GPHN: variants seen among roughly 807,000 people sequenced by gnomAD.
GPHN encodes the protein gephyrin.
A neutral mutation model predicts 95.5 loss-of-function variants in GPHN; 17 were observed. That is an observed-to-expected ratio of 0.18 (90% CI 0.12 to 0.27). The LOEUF is 0.27. Among genes scored for constraint, GPHN ranks in the 10% least tolerant of loss-of-function variants. The pLI is 1.00. For synonymous variants in GPHN, 320 were observed against 322.5 expected (o/e 0.99, Z 0.08); for missense variants, 660 against 978.1 (o/e 0.67, Z 4.34).
At chr14:67,632,757 A>G in the GPHN span, among the ~76,000 whole-genome samples, 1 of 146,276 alleles carries the variant, frequency 6.8e-6, no homozygotes, top group Non-Finnish European at 1.5e-5. Flanking sequence ...AATAGAAGGA[A>G]GGAAGGGAGG....
intron 10 of GPHN, among the ~76,000 whole-genome samples, chr14:67,053,086 G>A (rs1205411849): frequency 1.4e-5 from 2 of 142,402 alleles, no homozygotes; most frequent in Admixed American, 7.2e-5. Context: ...GCTAGCAGAA[G>A]ACAAGAAATA....
At chr14:67,256,116 G>T in the GPHN span, among the ~76,000 whole-genome samples, 1 of 152,116 alleles carries the variant, frequency 6.6e-6, no homozygotes. Context: ...TGAATATTTT[G>T]TAAGATATCC....
intron 13 of GPHN, among the ~76,000 whole-genome samples, chr14:67,104,941 T>C (rs2077952379): frequency 2.6e-5 from 4 of 152,134 alleles, no homozygotes; most frequent in South Asian, 4.1e-4. Flanking sequence ...TGTTGTTTCA[T>C]TGAAATCTTT....
At chr14:67,146,207 G>C (rs1418560248) in intron 18 of GPHN, among the ~76,000 whole-genome samples, 4 of 152,146 alleles carry the variant, frequency 2.6e-5, no homozygotes, top group African/African-American at 7.2e-5. Flanking sequence ...TAAACAGCGA[G>C]GAAGGGGCCC....
chr14:67,033,211 AT>A (rs1436482779), intron 10 of GPHN, among the ~76,000 whole-genome samples: 1 of 152,198 alleles, frequency 6.6e-6, no homozygotes, highest in African/African-American at 2.4e-5. Context: ...AAGACAGGTC[AT>A]TTGAAATTAT....
the GPHN span, among the ~76,000 whole-genome samples, chr14:67,526,585 T>C: frequency 1.3e-5 from 2 of 152,170 alleles, no homozygotes; most frequent in African/African-American, 2.4e-5. Flanking sequence ...GATAAAAATA[T>C]GCATAGTTTA....
chr14:66,711,714 A>G lies in GPHN; in HGVS notation c.143+30529A>G, dbSNP rs914777365. On this transcript the variant is annotated intron_variant, in intron 2 of 22. Coordinates refer to ENST00000478722, the MANE Select transcript of GPHN (RefSeq NM_020806.5). ...CATCAACTTGTCATTTACATTAAGTATTTCTCCTAATGCTATCCCTCCCCC... is the reference window on the plus strand; with the variant it reads ...CATCAACTTGTCATTTACATTAAGTGTTTCTCCTAATGCTATCCCTCCCCC... 4.8e-4 allele frequency among the ~76,000 whole-genome samples: 73 copies of G among 150,728 alleles called. 1 individual carries two copies. The highest frequency in any genetic ancestry group is 8.7e-4 in the Non-Finnish European group (59 of 67,710).
the GPHN span, chr14:67,320,321 AC>A: frequency 6.2e-7 from 1 of 1,613,946 alleles, no homozygotes. Context: ...TGATTGGTCC[AC>A]AGAACTGTGG....
chr14:67,083,086 A>G (rs10141815), intron 11 of GPHN, among the ~76,000 whole-genome samples: 36,781 of 152,200 alleles, frequency 0.24, 8,761 homozygotes, highest in African/African-American at 0.58. Flanking sequence ...AGTAAGACCT[A>G]TATTTGTTGC....
the GPHN span, chr14:67,674,425 T>C: frequency 8.1e-6 from 13 of 1,608,620 alleles, no homozygotes; most frequent in Admixed American, 1.0e-4. Context: ...TAGGTCTTCA[T>C]GGAGGCCGCG....
chr14:67,105,940 T>C (rs1192309250), intron 13 of GPHN, among the ~76,000 whole-genome samples: 2 of 152,156 alleles, frequency 1.3e-5, no homozygotes, highest in African/African-American at 4.8e-5. Context: ...TTTTCTACAT[T>C]GATACTGTTT....
chr14:67,236,947 C>T, the GPHN span, among the ~76,000 whole-genome samples: 5 of 151,942 alleles, frequency 3.3e-5, no homozygotes, highest in East Asian at 1.9e-4. Context: ...AAAAATTAGC[C>T]GGGCATGGTG....
At chr14:67,017,978 G>C (rs916273783) in intron 9 of GPHN, among the ~76,000 whole-genome samples, 1 of 152,060 alleles carries the variant, frequency 6.6e-6, no homozygotes, top group Non-Finnish European at 1.5e-5. Flanking sequence ...TTTAGCAAAT[G>C]TTTCCTCTGT....
chr14:66,861,907 A>G (rs1468566737), intron 4 of GPHN, among the ~76,000 whole-genome samples: 1 of 152,038 alleles, frequency 6.6e-6, no homozygotes, highest in East Asian at 1.9e-4. Flanking sequence ...TCAAATAAAT[A>G]ACCTAATGAT....
At chr14:67,456,983 T>C in the GPHN span, among the ~76,000 whole-genome samples, 3 of 152,184 alleles carry the variant, frequency 2.0e-5, no homozygotes, top group South Asian at 2.1e-4. Context: ...TTGAGCAACA[T>C]GGATGAAGCT....
chr14:67,110,706 A>T (rs1301374950), intron 14 of GPHN, among the ~76,000 whole-genome samples: 1 of 152,218 alleles, frequency 6.6e-6, no homozygotes, highest in African/African-American at 2.4e-5. Flanking sequence ...TTACTAGAGA[A>T]GAATTTAACA....
chr14:67,162,803 T>G (rs1396609923), intron 19 of GPHN, among the ~76,000 whole-genome samples: 1 of 152,196 alleles, frequency 6.6e-6, no homozygotes, highest in East Asian at 1.9e-4. Flanking sequence ...AACCATCCTG[T>G]GAGATCTTTA....
At chr14:67,599,041 G>A in the GPHN span, among the ~76,000 whole-genome samples, 1 of 152,188 alleles carries the variant, frequency 6.6e-6, no homozygotes, top group African/African-American at 2.4e-5. Flanking sequence ...TAGTTAGATA[G>A]TTTCCTGCAA....
intron 1 of GPHN, among the ~76,000 whole-genome samples, chr14:66,647,060 C>CTTTT (rs1194914414): frequency 1.6e-5 from 2 of 124,460 alleles, no homozygotes; most frequent in Admixed American, 1.6e-4. Flanking sequence ...CCATACCTGG[C>CTTTT]TTTTTTTTTT....
Sources: allele counts gnomAD v4.1 joint callset (sites outside exome capture counted in the v4.1 genomes callset), GRCh38; gene constraint gnomAD v4.1.1; transcripts MANE v1.5; gene names NCBI Gene and HGNC (gene_info 2026-07-23, HGNC 2026-07-21).